The following FRYL variants were observed in gnomAD, a reference collection of about 807,000 sequenced individuals.
The protein encoded by FRYL is FRY like transcription coactivator, also known as protein furry homolog-like.
A neutral mutation model predicts 351.2 loss-of-function variants in FRYL; 150 were observed. The observed-to-expected ratio is 0.43, with a 90% CI of 0.37 to 0.49. The LOEUF (loss-of-function observed/expected upper bound fraction) is 0.49, where lower values mean the gene tolerates loss of function less well. Among genes scored for constraint, FRYL ranks in the 20% least tolerant of loss-of-function variants. The pLI, the probability that FRYL is intolerant of heterozygous loss-of-function variation, is 0.00. For synonymous variants in FRYL, 1,153 were observed against 1,257.1 expected, an observed-to-expected ratio of 0.92 and a Z score of 1.75; for missense variants, 3,036 against 3,619.3, an observed-to-expected ratio of 0.84 and a Z score of 4.13.
chr4:48,500,752 GT>G (rs1043510461), intron 62 of FRYL, among the ~76,000 whole-genome samples: 1 of 152,120 alleles, frequency 6.6e-6, no homozygotes, highest in Non-Finnish European at 1.5e-5. Context: ...CATTCAAAGT[GT>G]TTTTTAACAT....
intron 52 of FRYL, 102 bp from the exon 53 acceptor site, chr4:48,527,755 A>G (rs1298864601): frequency 5.0e-6 from 6 of 1,192,628 alleles, no homozygotes; most frequent in African/African-American, 4.6e-5. Context: ...TCATTCTTCA[A>G]TGAATTCACA....
intron 53 of FRYL, among the ~76,000 whole-genome samples, chr4:48,524,936 A>T (rs986845642): frequency 1.3e-5 from 2 of 152,028 alleles, no homozygotes; most frequent in Non-Finnish European, 2.9e-5. Context: ...GGCCTTGGGT[A>T]GGGCAGCAGG....
At chr4:48,742,782 C>G (rs879885812) in intron 1 of FRYL, among the ~76,000 whole-genome samples, 1 of 151,802 alleles carries the variant, frequency 6.6e-6, no homozygotes, top group Non-Finnish European at 1.5e-5. Context: ...TTTACTTGTC[C>G]CACCCTTTTG....
intron 2 of FRYL, among the ~76,000 whole-genome samples, chr4:48,699,015 T>C (rs1233198751): frequency 2.0e-5 from 3 of 152,130 alleles, no homozygotes; most frequent in Admixed American, 6.5e-5. Context: ...ATGCTTCACA[T>C]ATGTTACTTC....
intron 1 of FRYL, among the ~76,000 whole-genome samples, chr4:48,711,747 T>C (rs75663722): frequency 6.6e-6 from 1 of 152,184 alleles, no homozygotes; most frequent in African/African-American, 2.4e-5. Context: ...GATCTGAGAA[T>C]GGGCAGACTG....
chr4:48,738,789 A>G (rs1318287568), intron 1 of FRYL, among the ~76,000 whole-genome samples: 1 of 151,606 alleles, frequency 6.6e-6, no homozygotes, highest in Non-Finnish European at 1.5e-5. Context: ...TACAGGTGTG[A>G]GCCACCGCCC....
chr4:48,629,295 T>C (rs1752507279), intron 4 of FRYL, among the ~76,000 whole-genome samples: 1 of 152,264 alleles, frequency 6.6e-6, no homozygotes, highest in African/African-American at 2.4e-5. Context: ...ATAGCCAACC[T>C]TCTATCCTAA....
chr4:48,690,667 A>G (rs1765601366), intron 2 of FRYL, among the ~76,000 whole-genome samples: 1 of 152,152 alleles, frequency 6.6e-6, no homozygotes, highest in African/African-American at 2.4e-5. Flanking sequence ...ATTCTTTTTA[A>G]TTTAAAGATG....
chr4:48,656,394 T>TATATAATATATATTA (rs1553964853), intron 3 of FRYL, among the ~76,000 whole-genome samples: 1 of 12,322 alleles, frequency 8.1e-5, no homozygotes, highest in Non-Finnish European at 1.7e-4. Context: ...AATATATAAT[T>TATATAATATATATTA]AATATATAAT....
chr4:48,553,562 T>C (rs1733364273), intron 35 of FRYL, among the ~76,000 whole-genome samples, 179 bp from the exon 36 acceptor site: 2 of 151,844 alleles, frequency 1.3e-5, no homozygotes, highest in Admixed American at 6.6e-5. Flanking sequence ...AATACTGTCC[T>C]CCCTCTAACT....
chr4:48,634,342 T>C lies in FRYL; in HGVS notation c.69A>G (p.Glu23=), dbSNP rs769864304. 9 of 1,613,594 alleles carry C rather than the reference T, an allele frequency of 5.6e-6. No individual in the cohort carries two copies. The East Asian group carries it at 2.0e-4, about 36-fold the overall frequency. ...GEYVIKSLFA[E]FAVQAEKKIE... is the part of the protein sequence containing the mutation. ...TTTTCTTTTCAGCTTGAACAGCAAATTCTGCAAAGAGGCTCTTGATGACAT... is the reference window on the plus strand; with the variant it reads ...TTTTCTTTTCAGCTTGAACAGCAAACTCTGCAAAGAGGCTCTTGATGACAT... Residue 23 remains glutamate (E), a synonymous_variant, in exon 4 of 64, where the codon GAA becomes GAG. Coordinates refer to ENST00000358350, the MANE Select transcript of FRYL (RefSeq NM_015030.2).
At chr4:48,552,484 T>C (rs1733094064) in intron 36 of FRYL, among the ~76,000 whole-genome samples, 1 of 152,168 alleles carries the variant, frequency 6.6e-6, no homozygotes, top group African/African-American at 2.4e-5. Context: ...AGATCTAGAA[T>C]TGGTAGGCTT....
At chr4:48,533,431 G>C (rs1221605099) in intron 49 of FRYL, among the ~76,000 whole-genome samples, 2 of 152,058 alleles carry the variant, frequency 1.3e-5, no homozygotes, top group African/African-American at 4.8e-5. Flanking sequence ...ATTTTCAAGG[G>C]AATGTAAGAG....
chr4:48,632,339 A>G (rs1332340731), intron 4 of FRYL, among the ~76,000 whole-genome samples: 3 of 150,062 alleles, frequency 2.0e-5, no homozygotes, highest in Non-Finnish European at 4.4e-5. Context: ...CATTTTCCAT[A>G]ATAAATTCTT....
At chr4:48,757,015 G>A (rs539347621) in intron 1 of FRYL, among the ~76,000 whole-genome samples, 1 of 152,300 alleles carries the variant, frequency 6.6e-6, no homozygotes, top group African/African-American at 2.4e-5. Context: ...GGTGACTGTA[G>A]TGTGGTGACT....
At chr4:48,727,529 A>C (rs1770216348) in intron 1 of FRYL, 1 of 152,174 alleles carries the variant, frequency 6.6e-6, no homozygotes, top group Non-Finnish European at 1.5e-5. Flanking sequence ...AGTGTAAGAA[A>C]GTCTGAGAGT....
chr4:48,647,751 A>G (rs565238529), intron 3 of FRYL, among the ~76,000 whole-genome samples: 1 of 152,326 alleles, frequency 6.6e-6, no homozygotes, highest in East Asian at 1.9e-4. Flanking sequence ...AGGGACCATC[A>G]TGAAAAATTC....
At chr4:48,761,174 T>C (rs1328256098) in intron 1 of FRYL, among the ~76,000 whole-genome samples, 1 of 152,172 alleles carries the variant, frequency 6.6e-6, no homozygotes, top group African/African-American at 2.4e-5. Context: ...AAAATAATTT[T>C]ACATTTCTAC....
At chr4:48,645,020 G>A (rs987610931) in intron 3 of FRYL, among the ~76,000 whole-genome samples, 22 of 149,710 alleles carry the variant, frequency 1.5e-4, no homozygotes, top group African/African-American at 5.1e-4. Context: ...ATATACATAA[G>A]CAATTCAACA....
Sources: gnomAD v4.1 joint callset for allele counts (sites outside exome capture counted in the v4.1 genomes callset) on GRCh38, gnomAD v4.1.1 for gene constraint, MANE v1.5 for transcripts, NCBI Gene and HGNC (gene_info 2026-07-23, HGNC 2026-07-21) for gene names.